Variants in IL1RAP observed in about 807,000 individuals in gnomAD.
IL1RAP encodes the protein interleukin-1 receptor accessory protein.
A neutral mutation model predicts 60.7 loss-of-function variants in IL1RAP; 35 were observed. The ratio of observed to expected loss-of-function variants is 0.58; its 90% CI spans 0.44 to 0.76. The LOEUF (loss-of-function observed/expected upper bound fraction) is 0.76. Ranked by LOEUF, IL1RAP falls within the 30% of genes least tolerant of loss-of-function variation. The pLI, the probability that IL1RAP is intolerant of heterozygous loss-of-function variation, is 0.00. For synonymous variants in IL1RAP, 268 were observed against 250.9 expected, an observed-to-expected ratio of 1.07 and a Z score of -0.64; for missense variants, 572 against 693.9, an observed-to-expected ratio of 0.82 and a Z score of 1.97.
chr3:190,645,592 C>A (rs1733958811), intron 10 of IL1RAP, 107 bp from the exon 11 acceptor site: 2 of 859,400 alleles, frequency 2.3e-6, no homozygotes, highest in East Asian at 2.5e-5. Flanking sequence ...GCACTGGAAT[C>A]TGTCACATAA....
intron 5 of IL1RAP, among the ~76,000 whole-genome samples, chr3:190,613,560 A>G (rs908670505): frequency 1.3e-5 from 2 of 152,176 alleles, no homozygotes; most frequent in African/African-American, 4.8e-5. Flanking sequence ...TGAGAAGGAG[A>G]CAGAAAAAGT....
chr3:190,587,126 C>G (rs1231758451), intron 3 of IL1RAP, among the ~76,000 whole-genome samples: 2 of 152,166 alleles, frequency 1.3e-5, no homozygotes, highest in Non-Finnish European at 2.9e-5. Context: ...GACAGGGTTA[C>G]AGATCATCTG....
At chr3:190,526,804 T>C (rs73886464) in intron 1 of IL1RAP, among the ~76,000 whole-genome samples, 4,121 of 152,354 alleles carry the variant, frequency 0.027, 188 homozygotes, top group African/African-American at 0.092. Flanking sequence ...TTAGTTGTGC[T>C]TGTTTTATTA....
chr3:190,657,649 A>G lies in IL1RAP; in HGVS notation c.*1042A>G, dbSNP rs186892738. ...AATAGGGACATAGGCACAGATAGTT[A>G]TTTCTTCTCTGTAAACATTTTCATA... On this transcript the variant is annotated 3_prime_UTR_variant, in exon 12 of 12. Coordinates refer to the IL1RAP transcript ENST00000317757. 2.0e-5 allele frequency: 3 copies of G among 152,290 alleles called. No individual in the cohort carries two copies. In the East Asian group the frequency reaches 5.8e-4, roughly 29 times the overall value. The allele number at this position is 152,290 out of a possible 1,614,324, so 9.4% of individuals were successfully genotyped here.
At chr3:190,591,873 T>C (rs1728970032) in intron 3 of IL1RAP, among the ~76,000 whole-genome samples, 1 of 152,164 alleles carries the variant, frequency 6.6e-6, no homozygotes, top group Non-Finnish European at 1.5e-5. Flanking sequence ...GTGTCACACT[T>C]GACACAGCCT....
At chr3:190,547,177 A>G (rs903731449) in intron 1 of IL1RAP, among the ~76,000 whole-genome samples, 15 of 152,202 alleles carry the variant, frequency 9.9e-5, no homozygotes, top group Non-Finnish European at 1.9e-4. Flanking sequence ...TAGCACTATA[A>G]CATTCCAGCT....
chr3:190,578,816 C>A (rs1056828469), intron 3 of IL1RAP, among the ~76,000 whole-genome samples: 1 of 152,178 alleles, frequency 6.6e-6, no homozygotes, highest in African/African-American at 2.4e-5. Flanking sequence ...TGGCAGCAGG[C>A]CAGAGAGCGT....
At chr3:190,644,605 T>C (rs1488419916) in intron 10 of IL1RAP, among the ~76,000 whole-genome samples, 2 of 152,188 alleles carry the variant, frequency 1.3e-5, no homozygotes, top group African/African-American at 4.8e-5. Context: ...TGAGTCGGTC[T>C]AAATTAACAC....
At chr3:190,623,315 ATC>A (rs761864200) in intron 6 of IL1RAP, 27 bp from the exon 7 acceptor site, 2 of 1,548,518 alleles carry the variant, frequency 1.3e-6, no homozygotes, top group Non-Finnish European at 1.8e-6. Context: ...ATTTAACATC[ATC>A]TCCCTTTTTT....
At chr3:190,563,223 A>T (rs1454035540) in intron 2 of IL1RAP, among the ~76,000 whole-genome samples, 2 of 152,188 alleles carry the variant, frequency 1.3e-5, no homozygotes, top group Non-Finnish European at 2.9e-5. Context: ...AACTTGTGGC[A>T]TAGGCTATTT....
chr3:190,634,352 G>C (rs1457787747), intron 9 of IL1RAP, among the ~76,000 whole-genome samples: 5 of 148,876 alleles, frequency 3.4e-5, no homozygotes, highest in Non-Finnish European at 7.4e-5. Flanking sequence ...ACAGTGGCGC[G>C]ATCTCGGCTC....
intron 5 of IL1RAP, among the ~76,000 whole-genome samples, chr3:190,616,873 A>G (rs1240957098): frequency 6.6e-6 from 1 of 152,230 alleles, no homozygotes; most frequent in Non-Finnish European, 1.5e-5. Flanking sequence ...GTTTCCGACC[A>G]CGCAGATATG....
intron 1 of IL1RAP, among the ~76,000 whole-genome samples, chr3:190,548,743 G>A (rs1244588691): frequency 1.3e-5 from 2 of 152,220 alleles, no homozygotes; most frequent in African/African-American, 4.8e-5. Flanking sequence ...CAAGATGAGA[G>A]AGACTCTGGA....
intron 3 of IL1RAP, among the ~76,000 whole-genome samples, chr3:190,574,122 A>G (rs11719413): frequency 0.051 from 7,824 of 152,174 alleles, 310 homozygotes; most frequent in South Asian, 0.08. Flanking sequence ...AAAACATGCC[A>G]ACCAAATCTG....
At chr3:190,540,598 G>T in intron 1 of IL1RAP, among the ~76,000 whole-genome samples, 1 of 150,592 alleles carries the variant, frequency 6.6e-6, no homozygotes, top group African/African-American at 2.4e-5. Context: ...CTACCTGTTT[G>T]TAATAACAGG....
rs201120230 is a variant in IL1RAP at position 190,651,165 on chromosome 3, AT to A, written c.*2467del. On this transcript the variant is annotated 3_prime_UTR_variant, in exon 12 of 12. Transcript: ENST00000447382. The stretch of plus-strand genomic sequence containing the variant: ...AGAACAAGAACAAACCATGTCTCAA[AT>A]TTTTTTAAAAAAAATTAATGGTTTT... The A allele has an allele frequency of 7.9e-4, 776 of 982,630 alleles. No individual in the cohort carries two copies. Among genetic ancestry groups the A allele is most frequent in the Admixed American group, 2.3e-3 (37 of 16,278 alleles). 60.9% of individuals were successfully genotyped at this position (982,630 alleles called of 1,614,324 possible).
intron 4 of IL1RAP, among the ~76,000 whole-genome samples, chr3:190,606,360 A>T (rs1730323875): frequency 6.6e-6 from 1 of 152,176 alleles, no homozygotes; most frequent in South Asian, 2.1e-4. Context: ...CATGTCTGAG[A>T]GCTGTGGTAT....
In IL1RAP at chr3:190,515,509, C is replaced by T. The variant is rs114123845; in HGVS notation, c.-89+1290C>T. 7.8e-3 allele frequency among the ~76,000 whole-genome samples: 1,187 copies of T among 151,924 alleles called. 12 individuals are homozygous for T. The highest frequency in any genetic ancestry group is 0.027 in the African/African-American group (1,133 of 41,418). On this transcript the variant is annotated intron_variant, in intron 1 of 11. Coordinates refer to ENST00000447382, the MANE Select transcript of IL1RAP (RefSeq NM_002182.4). ...GTGTCTTTCTTCTTTTGAATTTGAG[C>T]AACTCTTTTATAATAAGAATTTTCT...
chr3:190,538,856 C>T (rs6414528), intron 1 of IL1RAP, among the ~76,000 whole-genome samples: 20,414 of 152,034 alleles, frequency 0.13, 2,145 homozygotes, highest in East Asian at 0.42. Flanking sequence ...ATAAGGGGCT[C>T]TCCCCTGTTT....
Sources: gnomAD v4.1 joint callset for allele counts (sites outside exome capture counted in the v4.1 genomes callset) on GRCh38, gnomAD v4.1.1 for gene constraint, MANE v1.5 for transcripts, NCBI Gene and HGNC (gene_info 2026-07-23, HGNC 2026-07-21) for gene names.